OSBPL3: variants seen among roughly 807,000 people sequenced by gnomAD.
OSBPL3 encodes oxysterol binding protein like 3.
Under a neutral mutation model 120.1 loss-of-function variants are expected in OSBPL3, and 65 were observed. The observed-to-expected ratio is 0.54, with a 90% CI of 0.44 to 0.67. The LOEUF (loss-of-function observed/expected upper bound fraction) is 0.67. OSBPL3 is among the 30% of genes least tolerant of loss of function. The pLI is 0.00. For missense variants in OSBPL3, 1,004 were observed against 1,082.1 expected (o/e 0.93, Z 1.01); for synonymous variants, 416 against 402.6 (o/e 1.03, Z -0.40).
intron 10 of OSBPL3, among the ~76,000 whole-genome samples, chr7:24,853,841 A>G (rs1384508530): frequency 2.0e-5 from 3 of 152,232 alleles, no homozygotes; most frequent in African/African-American, 7.2e-5. Context: ...AGTTCTCTGT[A>G]TAATTCTTGC....
chr7:24,979,500 C>CCCAATTG (rs1817972064), intron 1 of OSBPL3, among the ~76,000 whole-genome samples: 1 of 152,164 alleles, frequency 6.6e-6, no homozygotes. Flanking sequence ...TCGCGCTCGC[C>CCCAATTG]CCAATTTACC....
intron 1 of OSBPL3, among the ~76,000 whole-genome samples, chr7:24,907,540 C>G (rs1808123926): frequency 6.6e-6 from 1 of 152,224 alleles, no homozygotes; most frequent in Non-Finnish European, 1.5e-5. Context: ...AACTTCATCT[C>G]TAACAACTCA....
At chr7:24,941,007 G>A (rs1813037087) in intron 1 of OSBPL3, among the ~76,000 whole-genome samples, 1 of 151,998 alleles carries the variant, frequency 6.6e-6, no homozygotes, top group South Asian at 2.1e-4. Flanking sequence ...TTTTAGTAGA[G>A]ACGGGGTTTC....
At chr7:24,948,157 C>T (rs1355550120) in intron 1 of OSBPL3, among the ~76,000 whole-genome samples, 2 of 152,128 alleles carry the variant, frequency 1.3e-5, no homozygotes, top group Non-Finnish European at 2.9e-5. Flanking sequence ...AGAGAAGATT[C>T]TCAAGTGGTT....
chr7:24,914,770 C>T (rs1470694531), intron 1 of OSBPL3, among the ~76,000 whole-genome samples: 4 of 152,188 alleles, frequency 2.6e-5, no homozygotes, highest in African/African-American at 9.7e-5. Context: ...TGGTTTTCTA[C>T]ATGAGATCAG....
At chr7:24,950,405 A>C (rs1230031011) in intron 1 of OSBPL3, among the ~76,000 whole-genome samples, 1 of 152,262 alleles carries the variant, frequency 6.6e-6, no homozygotes, top group African/African-American at 2.4e-5. Flanking sequence ...AAAAGGGAAA[A>C]ACAGAAACTA....
rs185858523 is a variant in OSBPL3, at chr7:24,810,380, G to A, written c.2173-429C>T. 2.8e-3 allele frequency: 441 copies of A among 155,050 alleles called. 2 individuals are homozygous for A. The highest frequency in any genetic ancestry group is 0.023 in the Middle Eastern group (7 of 306). The allele number at this position is 155,050 out of a possible 1,614,324, so 9.6% of individuals were successfully genotyped here. A position where few individuals can be genotyped will look rare whatever the true frequency, so the allele number is the denominator to read the frequency against. ...CTCTACTAAAAATACAAAATTAGCC[G>A]GGTGTGGTAGCGCATGCCTGTAATC... On this transcript the variant is annotated intron_variant, in intron 19 of 22. Transcript: ENST00000313367.
In OSBPL3 at chr7:24,805,475, C is replaced by T. The variant is rs1031224926; in HGVS notation, c.2445-1038G>A. On this transcript the variant is annotated intron_variant, in intron 21 of 22. Coordinates refer to ENST00000313367, the MANE Select transcript of OSBPL3 (RefSeq NM_015550.4). The surrounding 1 kb of genome is among the most constrained non-coding windows in gnomAD (Gnocchi z 4.0). The stretch of plus-strand genomic sequence containing the variant: ...TCATCACAGAAATTAACAATGCTTG[C>T]CATTCTTTAAACACCACATACGTTA... Among the ~76,000 whole-genome samples the T allele has an allele frequency of 2.0e-5, 3 of 152,064 alleles. No homozygotes were observed. Among genetic ancestry groups the T allele is most frequent in the Non-Finnish European group, 4.4e-5 (3 of 68,014 alleles).
rs191849168 is a variant in OSBPL3, at chr7:24,863,845, T to A, written c.674-246A>T. 1.3e-5 allele frequency among the ~76,000 whole-genome samples: 2 copies of A among 152,110 alleles called. No individual in the cohort carries two copies. The highest frequency in any genetic ancestry group is 4.8e-5 in the African/African-American group (2 of 41,430). The stretch of plus-strand genomic sequence containing the variant: ...TAATGAACTGTAACTATTGAGAAAA[T>A]TGCAAAACTGCATGCCTCAACTTCC... On this transcript the variant is annotated intron_variant, in intron 7 of 22. Transcript: ENST00000313367. The surrounding 1 kb of genome is among the most constrained non-coding windows in gnomAD (Gnocchi z 5.8).
In OSBPL3 at chr7:24,918,141, T is replaced by A; in HGVS notation, c.-149-25520A>T. On this transcript the variant is annotated intron_variant, in intron 1 of 22. Transcript: ENST00000313367. The surrounding 1 kb of genome is among the most constrained non-coding windows in gnomAD (Gnocchi z 4.3). ...GCTCACAGCAGCCAGTAATGACACC[T>A]GGATACTCTTTGTTTACAGTTTCAT... 1.2e-6 allele frequency: 1 copy of A among 852,512 alleles called. No individual in the cohort carries two copies. The highest frequency in any genetic ancestry group is 1.4e-6 in the Non-Finnish European group (1 of 708,776). 52.8% of individuals were successfully genotyped at this position (852,512 alleles called of 1,614,324 possible).
chr7:24,915,198 G>A (rs1463475690), intron 1 of OSBPL3, among the ~76,000 whole-genome samples: 1 of 152,166 alleles, frequency 6.6e-6, no homozygotes, highest in Non-Finnish European at 1.5e-5. Flanking sequence ...CTGCTGGAAA[G>A]TTGTTAATCT....
rs895253487 is a variant in OSBPL3, at chr7:24,955,795, G to T, written c.-150+24091C>A. Among the ~76,000 whole-genome samples, 3 of 152,178 alleles carry T rather than the reference G, an allele frequency of 2.0e-5. No homozygotes were observed. The highest frequency in any genetic ancestry group is 7.2e-5 in the African/African-American group (3 of 41,458). On this transcript the variant is annotated intron_variant, in intron 1 of 22. Transcript: ENST00000313367. This position sits in a 1 kb window ranked among gnomAD's most constrained non-coding sequence, Gnocchi z 4.3. ...GTTGTATCCCCTGGACCCACAAGGG[G>T]GCTTGACGCATTAGTAGGCATTCAA...
intron 13 of OSBPL3, among the ~76,000 whole-genome samples, chr7:24,842,011 T>TAA (rs879318638): frequency 2.1e-5 from 3 of 141,570 alleles, no homozygotes; most frequent in African/African-American, 5.2e-5. Flanking sequence ...AGGCTCTGTT[T>TAA]AAAAAAAAAA....
intron 16 of OSBPL3, among the ~76,000 whole-genome samples, chr7:24,825,432 T>C (rs889189718): frequency 2.0e-5 from 3 of 152,216 alleles, no homozygotes; most frequent in Admixed American, 6.5e-5. Context: ...CCTTCTCCCA[T>C]GTTCAGAGTG....
chr7:24,800,453 C>CTTTTT (rs766653677), intron 22 of OSBPL3, among the ~76,000 whole-genome samples, 174 bp from the exon 23 acceptor site: 2 of 119,512 alleles, frequency 1.7e-5, no homozygotes, highest in Admixed American at 9.3e-5. Flanking sequence ...AATTTTGTTA[C>CTTTTT]TTTTTTTTTT....
Position 24,916,298 on chromosome 7 carries a change from C to A in OSBPL3, c.-149-23677G>T, listed in dbSNP as rs1053928771. Among the ~76,000 whole-genome samples, 1 of 152,118 alleles carries A rather than the reference C, an allele frequency of 6.6e-6. No individual in the cohort carries two copies. The highest frequency in any genetic ancestry group is 2.1e-4 in the South Asian group (1 of 4,824). ...CTCAGTCTTACACAATTATTTCTGC[C>A]CATCATTTATCTACCCATCCTTCTG... On this transcript the variant is annotated intron_variant, in intron 1 of 22. Transcript: ENST00000313367. The surrounding 1 kb of genome is among the most constrained non-coding windows in gnomAD (Gnocchi z 4.9).
intron 1 of OSBPL3, among the ~76,000 whole-genome samples, chr7:24,908,423 G>T (rs1808273859): frequency 6.6e-6 from 1 of 152,128 alleles, no homozygotes; most frequent in African/African-American, 2.4e-5. Context: ...TGAGAAGAAA[G>T]CGCCCTCCAT....
rs1443635366 is a variant in OSBPL3, at chr7:24,946,584, C to T, written c.-150+33302G>A. Among the ~76,000 whole-genome samples, 3 of 152,148 alleles carry T rather than the reference C, an allele frequency of 2.0e-5. No homozygotes were observed. The highest frequency in any genetic ancestry group is 4.4e-5 in the Non-Finnish European group (3 of 68,024). On this transcript the variant is annotated intron_variant, in intron 1 of 22. Coordinates refer to ENST00000313367, the MANE Select transcript of OSBPL3 (RefSeq NM_015550.4). The surrounding 1 kb of genome is among the most constrained non-coding windows in gnomAD (Gnocchi z 4.3). ...TACAAGTATCTTGTTTTGTTGAATA[C>T]GCTAAGCTTAACTGAATTATTAGCC...
In OSBPL3 at chr7:24,979,777, G is replaced by C. The variant is rs900607485; in HGVS notation, c.-150+109C>G. The C allele has an allele frequency of 5.1e-6, 3 of 591,882 alleles. No homozygotes were observed. The African/African-American group carries it at 6.1e-5, about 12-fold the overall frequency. 36.7% of individuals were successfully genotyped at this position (591,882 alleles called of 1,614,324 possible). ...CCCCGGGCGACTCGGACAGACCCCGGTCCGGCAGAGAACCGCGGCGCCCCG... is the reference window on the plus strand; with the variant it reads ...CCCCGGGCGACTCGGACAGACCCCGCTCCGGCAGAGAACCGCGGCGCCCCG... On this transcript the variant is annotated intron_variant, in intron 1 of 22. Coordinates refer to ENST00000313367, the MANE Select transcript of OSBPL3 (RefSeq NM_015550.4).
Sources: gnomAD v4.1 joint callset for allele counts (sites outside exome capture counted in the v4.1 genomes callset) on GRCh38, gnomAD v4.1.1 for gene constraint, Gnocchi (gnomAD v3.1) non-coding constraint, MANE v1.5 for transcripts, NCBI Gene and HGNC (gene_info 2026-07-23, HGNC 2026-07-21) for gene names.